ZNF85: variants seen among roughly 807,000 people sequenced by gnomAD.
The protein encoded by ZNF85 is zinc finger protein 85 (HPF4, HTF1).
A neutral mutation model predicts 53.9 loss-of-function variants in ZNF85; 50 were observed. That is an observed-to-expected ratio of 0.93 (90% confidence interval 0.74 to 1.17). ZNF85 has a LOEUF of 1.17. Among genes scored for constraint, ZNF85 ranks in the 50% most tolerant of loss-of-function variants. The pLI, the probability that ZNF85 is intolerant of heterozygous loss-of-function variation, is 0.00. For synonymous variants in ZNF85, 225 were observed against 226.1 expected, an observed-to-expected ratio of 1.00 and a Z score of 0.04; for missense variants, 747 against 688.5, an observed-to-expected ratio of 1.08 and a Z score of -0.95.
At chr19:20,931,655 T>C (rs1310559981) in intron 1 of ZNF85, among the ~76,000 whole-genome samples, 1 of 142,812 alleles carries the variant, frequency 7.0e-6, no homozygotes, top group Non-Finnish European at 1.5e-5. Context: ...GCAGTTTCAC[T>C]GGAGTGCAGT....
intron 3 of ZNF85, chr19:20,945,689 T>C (rs894217231): frequency 6.6e-6 from 1 of 152,250 alleles, no homozygotes; most frequent in African/African-American, 2.4e-5. Context: ...TTCACCATGT[T>C]GGACACGCTG....
At chr19:20,925,561 AT>A (rs1187705130) in intron 1 of ZNF85, among the ~76,000 whole-genome samples, 1 of 152,168 alleles carries the variant, frequency 6.6e-6, no homozygotes, top group Non-Finnish European at 1.5e-5. Context: ...ATTCTCTAAG[AT>A]TTGTGAAAGA....
chr19:20,923,847 C>G (rs959026686), intron 1 of ZNF85, among the ~76,000 whole-genome samples: 2 of 151,946 alleles, frequency 1.3e-5, no homozygotes, highest in African/African-American at 4.8e-5. Context: ...TTTGGGAAGC[C>G]GAGGCGGGCG....
At chr19:20,930,090 C>CA (rs1972974000) in intron 1 of ZNF85, among the ~76,000 whole-genome samples, 1 of 134,262 alleles carries the variant, frequency 7.4e-6, no homozygotes, top group African/African-American at 2.8e-5. Context: ...CATTGCACTC[C>CA]AGCCTGGGTG....
In ZNF85 at chr19:20,949,694, G is replaced by A. The variant is rs766333803; in HGVS notation, c.1180G>A (p.Gly394Arg). The change falls in exon 4 of 4, where the codon GGA (glycine) becomes AGA (arginine). Residue 394 changes from glycine (G) to arginine (R), a missense_variant. Transcript: ENST00000328178. Reference sequence around the variant, plus strand: ...TACTACACATAAGATAATTCATACTGGAGAGAAACCTTACAAATGTAAAGA... The same window carrying A: ...TACTACACATAAGATAATTCATACTAGAGAGAAACCTTACAAATGTAAAGA... ...HLTTHKIIHT[G>R]EKPYKCKECG... 8 of 1,612,994 alleles carry A rather than the reference G, an allele frequency of 5.0e-6. No individual in the cohort carries two copies. The highest frequency in any genetic ancestry group is 1.6e-4 in the Middle Eastern group (1 of 6,074).
chr19:20,934,551 C>T (rs1354329605), intron 2 of ZNF85, among the ~76,000 whole-genome samples: 1 of 152,066 alleles, frequency 6.6e-6, no homozygotes, highest in Non-Finnish European at 1.5e-5. Context: ...GGACGGATCA[C>T]GAGGTCAGGA....
chr19:20,933,594 C>A (rs754848301), intron 1 of ZNF85, among the ~76,000 whole-genome samples: 1 of 152,142 alleles, frequency 6.6e-6, no homozygotes, highest in Non-Finnish European at 1.5e-5. Context: ...TTAACAAGTT[C>A]TCCAGTTTAT....
intron 1 of ZNF85, among the ~76,000 whole-genome samples, chr19:20,933,135 G>A (rs1252587878): frequency 6.7e-6 from 1 of 150,174 alleles, no homozygotes; most frequent in Non-Finnish European, 1.5e-5. Context: ...GGAGCTTGCA[G>A]TGAGCTGAGA....
intron 2 of ZNF85, among the ~76,000 whole-genome samples, chr19:20,934,510 C>T (rs1973108869): frequency 6.6e-6 from 1 of 152,148 alleles, no homozygotes; most frequent in South Asian, 2.1e-4. Context: ...TGGCTCACGC[C>T]TGTAATCCCA....
At position 20,923,282 on chromosome 19, in the gene ZNF85, G is replaced by A. The variant is rs1972797412; in HGVS notation, c.-119G>A. 9 of 1,516,742 alleles carry A rather than the reference G, an allele frequency of 5.9e-6. No individual in the cohort carries two copies. The highest frequency in any genetic ancestry group is 7.3e-6 in the Non-Finnish European group (8 of 1,097,968). 94.0% of individuals were successfully genotyped at this position (1,516,742 alleles called of 1,614,324 possible). A position where few individuals can be genotyped will look rare whatever the true frequency, so the allele number is the denominator to read the frequency against. ...GTCTCTCGCTGCAGCCTGAGCTCTA[G>A]GTCTTGTTTTCCCTGCTTTGTGTTT... On this transcript the variant is annotated 5_prime_UTR_variant, in exon 1 of 4. Transcript: ENST00000328178.
chr19:20,946,292 C>T (rs1281462836), intron 3 of ZNF85: 2 of 398,586 alleles, frequency 5.0e-6, no homozygotes, highest in Non-Finnish European at 9.7e-6. Context: ...CTTTTTTTGT[C>T]CTAACAGGTT....
chr19:20,924,946 G>A lies in ZNF85; in HGVS notation c.3+1543G>A, dbSNP rs532907302. Among the ~76,000 whole-genome samples, 11 of 152,238 alleles carry A rather than the reference G, an allele frequency of 7.2e-5. No homozygotes were observed. The East Asian group carries it at 1.9e-3, about 27-fold the overall frequency. On this transcript the variant is annotated intron_variant, in intron 1 of 3. Transcript: ENST00000328178. ...CACTCTTCAGTTTTTTCCTGGTCCT[G>A]GGTTTTCAGTACTGTATGGGGATAA...
intron 1 of ZNF85, among the ~76,000 whole-genome samples, chr19:20,924,125 A>G: frequency 6.6e-6 from 1 of 152,000 alleles, no homozygotes; most frequent in Admixed American, 6.6e-5. Flanking sequence ...CACCGCAAAA[A>G]TATTAAAGAA....
chr19:20,949,645 A>G lies in ZNF85; in HGVS notation c.1131A>G (p.Lys377=), dbSNP rs369258452. ...EKPYKCEKCG[K]AFNHFSHLTT... Reference sequence around the variant, plus strand: ...CCTACAAATGTGAAAAATGTGGAAAAGCCTTTAATCATTTCTCACACCTTA... The same window carrying G: ...CCTACAAATGTGAAAAATGTGGAAAGGCCTTTAATCATTTCTCACACCTTA... The change falls in exon 4 of 4, where the codon AAA becomes AAG. Residue 377 remains lysine (K), a synonymous_variant. Transcript: ENST00000328178. 3.1e-6 allele frequency: 5 copies of G among 1,613,178 alleles called. No individual in the cohort carries two copies. Among genetic ancestry groups the G allele is most frequent in the African/African-American group, 1.3e-5 (1 of 74,836 alleles).
Position 20,945,784 on chromosome 19 carries a change from C to T in ZNF85, c.230-2960C>T, listed in dbSNP as rs536770227. The T allele has an allele frequency of 3.3e-5, 5 of 152,366 alleles. No homozygotes were observed. In the South Asian group the frequency reaches 1.0e-3, roughly 32 times the overall value. The allele number at this position is 152,366 out of a possible 1,614,324, so 9.4% of individuals were successfully genotyped here. A position where few individuals can be genotyped will look rare whatever the true frequency, so the allele number is the denominator to read the frequency against. ...ACAGGTTTGAGCCACCGCACCCAGC[C>T]TATTCCAGTAATTTTATATTTCAAA... On this transcript the variant is annotated intron_variant, in intron 3 of 3. Coordinates refer to ENST00000328178, the MANE Select transcript of ZNF85 (RefSeq NM_003429.5).
At chr19:20,929,453 G>A (rs1972957157) in intron 1 of ZNF85, among the ~76,000 whole-genome samples, 1 of 151,878 alleles carries the variant, frequency 6.6e-6, no homozygotes, top group South Asian at 2.1e-4. Flanking sequence ...AAAAGTGCTG[G>A]GATTACAGGC....
rs138856339 is a variant in ZNF85 at position 20,940,296 on chromosome 19, G to C, written c.229+5249G>C. Among the ~76,000 whole-genome samples, 16 of 152,236 alleles carry C rather than the reference G, an allele frequency of 1.1e-4. No homozygotes were observed. In the East Asian group the frequency reaches 3.1e-3, roughly 29 times the overall value. ...ATCTGTAATCCCAGAGATTTGGAGA[G>C]GCCAAGACAAAGAGGATCACTTGAA... On this transcript the variant is annotated intron_variant, in intron 3 of 3. Transcript: ENST00000328178.
Position 20,935,063 on chromosome 19 carries a change from A to C in ZNF85, c.229+16A>C. ...AAACCCACAGGTAGGTGAAAGTGAA[A>C]ATGAATACAGCAGATGACACATGAG... is the stretch of plus-strand genomic sequence containing the variant. On this transcript the variant is annotated intron_variant, in intron 3 of 3. Transcript: ENST00000328178. 1 of 1,574,134 alleles carries C rather than the reference A, an allele frequency of 6.4e-7. No individual in the cohort carries two copies. Among genetic ancestry groups the C allele is most frequent in the Non-Finnish European group, 8.7e-7 (1 of 1,147,308 alleles).
At chr19:20,937,899 G>C (rs1255642568) in intron 3 of ZNF85, among the ~76,000 whole-genome samples, 1 of 152,150 alleles carries the variant, frequency 6.6e-6, no homozygotes, top group Non-Finnish European at 1.5e-5. Context: ...CATTTCTTTG[G>C]TCTATAGTCA....
Sources: allele counts gnomAD v4.1 joint callset (sites outside exome capture counted in the v4.1 genomes callset), GRCh38; gene constraint gnomAD v4.1.1; transcripts MANE v1.5; gene names NCBI Gene and HGNC (gene_info 2026-07-23, HGNC 2026-07-21).